GBF1: variants seen among roughly 807,000 people sequenced by gnomAD.
GBF1 encodes Golgi-specific brefeldin A-resistance guanine nucleotide exchange factor 1.
In GBF1, 114 loss-of-function variants were observed where a neutral mutation model predicts 210.5. The ratio of observed to expected loss-of-function variants is 0.54; its 90% confidence interval spans 0.47 to 0.63. GBF1 has a LOEUF of 0.63. Ranked by LOEUF, GBF1 falls within the 30% of genes least tolerant of loss-of-function variation. The pLI is 0.00. For missense variants in GBF1, 1,851 were observed against 2,357.7 expected (o/e 0.79, Z 4.45); for synonymous variants, 850 against 889.2 (o/e 0.96, Z 0.78).
chr10:102,358,315 C>T (rs2134971016), intron 9 of GBF1, 129 bp downstream of exon 9: 1 of 928,644 alleles, frequency 1.1e-6, no homozygotes, highest in African/African-American at 1.7e-5. Context: ...AAGGGAAACT[C>T]CAGGTCAAAT....
At chr10:102,271,432 C>T (rs2074407794) in intron 3 of GBF1, among the ~76,000 whole-genome samples, 1 of 152,078 alleles carries the variant, frequency 6.6e-6, no homozygotes, top group South Asian at 2.1e-4. Flanking sequence ...AATCCTCCCA[C>T]CTTAACCTCC....
upstream of GBF1, among the ~76,000 whole-genome samples, chr10:102,242,699 C>T (rs553285750): frequency 8.5e-5 from 13 of 152,054 alleles, 1 homozygote; most frequent in African/African-American, 3.1e-4. Context: ...GAGGCCGAGG[C>T]GGGCGGATCA....
At chr10:102,377,394 C>CA (rs2060571768) in intron 33 of GBF1, among the ~76,000 whole-genome samples, 2 of 151,888 alleles carry the variant, frequency 1.3e-5, no homozygotes, top group African/African-American at 4.8e-5. Context: ...CTCTCTGTCA[C>CA]CCAGGCTGGA....
intron 33 of GBF1, 32 bp downstream of exon 33, chr10:102,377,172 C>T (rs1270140173): frequency 6.4e-7 from 1 of 1,556,494 alleles, no homozygotes; most frequent in South Asian, 1.1e-5. Context: ...TCCTCTCCTC[C>T]CCTGCACCTG....
At chr10:102,258,542 C>T (rs866285693) in intron 1 of GBF1, among the ~76,000 whole-genome samples, 24 of 148,156 alleles carry the variant, frequency 1.6e-4, no homozygotes, top group Middle Eastern at 6.9e-3. Context: ...GAGGCCCAGG[C>T]GGGTGGATTA....
Position 102,301,079 on chromosome 10 carries a change from TAAAC to T in GBF1, c.163+40966_163+40969del, listed in dbSNP as rs1255151308. On this transcript the variant is annotated intron_variant, in intron 3 of 39. Coordinates refer to ENST00000369983, the MANE Select transcript of GBF1 (RefSeq NM_001377137.1). Reference sequence around the variant, plus strand: ...CAATAGTGGAGGGAAGGTCAGCAAATAAACAAGTGAACAGAGGTCTCTGGTTTTC... The same window carrying T: ...CAATAGTGGAGGGAAGGTCAGCAAATAAGTGAACAGAGGTCTCTGGTTTTC... 2.7e-5 allele frequency among the ~76,000 whole-genome samples: 4 copies of T among 150,490 alleles called. No individual in the cohort carries two copies. In the East Asian group the frequency reaches 5.9e-4, roughly 22 times the overall value.
rs1433854003 is a variant in GBF1 at position 102,369,903 on chromosome 10, G to A, written c.3258G>A (p.Leu1086=). 6.2e-7 allele frequency: 1 copy of A among 1,614,044 alleles called. No individual in the cohort carries two copies. The highest frequency in any genetic ancestry group is 1.7e-5 in the Admixed American group (1 of 60,012). ...TGAGCTTTGTGAGCTGGCTAACACTGAGTGGTCCTGAGCAGTCTAGTGTTC... is the reference window on the plus strand; with the variant it reads ...TGAGCTTTGTGAGCTGGCTAACACTAAGTGGTCCTGAGCAGTCTAGTGTTC... ...TVLSFVSWLT[L]SGPEQSSVRG... The change falls in exon 26 of 40, where the codon CTG becomes CTA. Residue 1086 remains leucine, a synonymous_variant. Coordinates refer to ENST00000369983, the MANE Select transcript of GBF1 (RefSeq NM_001377137.1).
intron 1 of GBF1, among the ~76,000 whole-genome samples, chr10:102,249,113 G>A (rs4244351): frequency 6.6e-6 from 1 of 152,062 alleles, no homozygotes; most frequent in Non-Finnish European, 1.5e-5. Flanking sequence ...TCAGGCCAAA[G>A]AAAATATGTC....
rs375850448 is a variant in GBF1, at chr10:102,378,095, G to A, written c.4494+955G>A. ...TAGCTGTGCATGGTGGCAGGCGCCT[G>A]TAGTCCCAGCTACTCGGGAGGCTGA... On this transcript the variant is annotated intron_variant, in intron 33 of 39. Coordinates refer to ENST00000369983, the MANE Select transcript of GBF1 (RefSeq NM_001377137.1). Among the ~76,000 whole-genome samples, 8 of 151,936 alleles carry A rather than the reference G, an allele frequency of 5.3e-5. No homozygotes were observed. The East Asian group carries it at 5.8e-4, about 11-fold the overall frequency.
chr10:102,299,028 A>G (rs1372505366), intron 3 of GBF1, among the ~76,000 whole-genome samples: 1 of 152,194 alleles, frequency 6.6e-6, no homozygotes, highest in Non-Finnish European at 1.5e-5. Context: ...TTAAGAGTGT[A>G]TATAGGTTCT....
intron 3 of GBF1, among the ~76,000 whole-genome samples, chr10:102,323,239 G>GAAAAA (rs775888621): frequency 1.6e-3 from 107 of 65,776 alleles, no homozygotes; most frequent in Non-Finnish European, 2.1e-3. Flanking sequence ...CTCCAAAATT[G>GAAAAA]AAAAAAAAAA....
At chr10:102,375,231 C>A in intron 29 of GBF1, 128 bp from the exon 30 acceptor site, 1 of 628,450 alleles carries the variant, frequency 1.6e-6, no homozygotes, top group South Asian at 1.8e-5. Context: ...AGAGCAGTAT[C>A]CTAAATTGGG....
In GBF1 at chr10:102,351,330, A is replaced by G; in HGVS notation, c.370A>G (p.Thr124Ala). Residue 124 changes from threonine to alanine, a missense_variant, in exon 5 of 40, where the codon ACG (threonine) becomes GCG (alanine). Physicochemically the swap from Thr to Ala is moderately conservative, Grantham distance 58 (BLOSUM62 0). Around this residue, in one of 3 missense-constraint regions of GBF1, gnomAD observed 804 missense variants for 958.6 expected, o/e 0.84. Coordinates refer to ENST00000369983, the MANE Select transcript of GBF1 (RefSeq NM_001377137.1). ...TGTCACCCATGCTCGTTTTGTGGGC[A>G]CGGATCCTGCCAGTGATGAAGTTGT... is the stretch of plus-strand genomic sequence containing the variant. ...DAVTHARFVG[T>A]DPASDEVVLM... 6.2e-7 allele frequency: 1 copy of G among 1,610,636 alleles called. No individual in the cohort carries two copies. The highest frequency in any genetic ancestry group is 8.5e-7 in the Non-Finnish European group (1 of 1,176,804).
At position 102,276,546 on chromosome 10, in the gene GBF1, T is replaced by G. The variant is rs960705568; in HGVS notation, c.163+16430T>G. On this transcript the variant is annotated intron_variant, in intron 3 of 39. Coordinates refer to ENST00000369983, the MANE Select transcript of GBF1 (RefSeq NM_001377137.1). ...GCCTCAAAAAAAAAAAAAAAAAAAATGTTTCTGTTGCCAAGGTTCTATAAG... is the reference window on the plus strand; with the variant it reads ...GCCTCAAAAAAAAAAAAAAAAAAAAGGTTTCTGTTGCCAAGGTTCTATAAG... 5.8e-5 allele frequency among the ~76,000 whole-genome samples: 8 copies of G among 136,818 alleles called. 1 individual carries two copies. The highest frequency in any genetic ancestry group is 1.4e-4 in the African/African-American group (5 of 36,714). 89.8% of individuals were successfully genotyped at this position (136,818 alleles called of 152,430 possible). A position where few individuals can be genotyped will look rare whatever the true frequency, so the allele number is the denominator to read the frequency against.
chr10:102,273,256 C>G (rs1039998585), intron 3 of GBF1, among the ~76,000 whole-genome samples: 1 of 152,058 alleles, frequency 6.6e-6, no homozygotes, highest in Non-Finnish European at 1.5e-5. Context: ...TGCTTGAACC[C>G]AGGAGGCAGA....
At chr10:102,360,053 A>G in intron 11 of GBF1, 131 bp from the exon 12 acceptor site, 2 of 724,378 alleles carry the variant, frequency 2.8e-6, no homozygotes, top group East Asian at 2.5e-5. Flanking sequence ...GGCATGAGCC[A>G]TCACGCCCAG....
At chr10:102,330,397 T>C (rs2057245340) in intron 3 of GBF1, among the ~76,000 whole-genome samples, 1 of 151,792 alleles carries the variant, frequency 6.6e-6, no homozygotes, top group Non-Finnish European at 1.5e-5. Flanking sequence ...TAATATAATG[T>C]AGCTGGCCGG....
chr10:102,326,945 C>T (rs1357559373), intron 3 of GBF1, among the ~76,000 whole-genome samples: 2 of 152,186 alleles, frequency 1.3e-5, no homozygotes, highest in Non-Finnish European at 1.5e-5. Flanking sequence ...CGTAGCCTGA[C>T]TACCCTTTGC....
At chr10:102,361,505 G>A (rs558608120) in intron 13 of GBF1, among the ~76,000 whole-genome samples, 14 of 152,326 alleles carry the variant, frequency 9.2e-5, no homozygotes, top group Non-Finnish European at 1.6e-4. Flanking sequence ...ACTTGTCTGG[G>A]ACCAGGTATG....
Sources: allele counts gnomAD v4.1 joint callset (sites outside exome capture counted in the v4.1 genomes callset), GRCh38; gene constraint gnomAD v4.1.1; regional missense constraint gnomAD v4.1.1; transcripts MANE v1.5; gene names NCBI Gene and HGNC (gene_info 2026-07-23, HGNC 2026-07-21).